Variants in FAM117A observed in about 807,000 individuals in gnomAD.
FAM117A encodes the protein family with sequence similarity 117 member A.
A neutral mutation model predicts 44.1 loss-of-function variants in FAM117A; 21 were observed. That is an observed-to-expected ratio of 0.48 (90% CI 0.34 to 0.69). The LOEUF is 0.69. Ranked by LOEUF, FAM117A falls within the 30% of genes least tolerant of loss-of-function variation. The pLI is 0.01. For missense variants in FAM117A, 498 were observed against 589.9 expected, an observed-to-expected ratio of 0.84 and a Z score of 1.61; for synonymous variants, 220 against 238.3, an observed-to-expected ratio of 0.92 and a Z score of 0.71.
In FAM117A at chr17:49,750,508, C is replaced by T. The variant is rs548483860; in HGVS notation, c.196+13384G>A. 1.1e-4 allele frequency among the ~76,000 whole-genome samples: 16 copies of T among 151,684 alleles called. 3 individuals are homozygous for T. The highest frequency in any genetic ancestry group is 1.4e-4 in the African/African-American group (6 of 41,528). Reference sequence around the variant, plus strand: ...AGCTATTACTGGCCGGGCATGGTGGCTCACGCCTGTAATCCCAGCACTTTG... The same window carrying T: ...AGCTATTACTGGCCGGGCATGGTGGTTCACGCCTGTAATCCCAGCACTTTG... On this transcript the variant is annotated intron_variant, in intron 1 of 7. Coordinates refer to ENST00000240364, the MANE Select transcript of FAM117A (RefSeq NM_030802.4).
At chr17:49,788,720 G>A (rs536743421), upstream of FAM117A, 1 of 1,168,114 alleles carries the variant, frequency 8.6e-7, no homozygotes, top group Non-Finnish European at 1.2e-6. Flanking sequence ...AGGCACTAGG[G>A]ATCGTCCGCA....
chr17:49,785,835 A>G (rs557878719), intron 1 of FAM117A, among the ~76,000 whole-genome samples: 1 of 152,362 alleles, frequency 6.6e-6, no homozygotes, highest in East Asian at 1.9e-4. Context: ...GGGTTAGGAG[A>G]TGCATCCAGG....
chr17:49,731,969 A>G (rs965959050), intron 2 of FAM117A, among the ~76,000 whole-genome samples: 2 of 152,046 alleles, frequency 1.3e-5, no homozygotes, highest in African/African-American at 4.8e-5. Context: ...TATTTTTAGT[A>G]GAGACGGGGT....
intron 1 of FAM117A, among the ~76,000 whole-genome samples, chr17:49,753,587 G>T (rs193191494): frequency 6.6e-6 from 1 of 152,172 alleles, no homozygotes. Flanking sequence ...AGGCTGGGGC[G>T]GTTGGACCAC....
intron 2 of FAM117A, chr17:49,732,349 G>T: frequency 8.9e-6 from 4 of 447,344 alleles, no homozygotes; most frequent in Non-Finnish European, 4.0e-6. Flanking sequence ...AGGTTGCAGT[G>T]AGCCAAGATC....
intron 3 of FAM117A, among the ~76,000 whole-genome samples, 174 bp from the exon 4 acceptor site, chr17:49,720,610 T>TAAA (rs2073529571): frequency 6.6e-6 from 1 of 152,202 alleles, no homozygotes; most frequent in Non-Finnish European, 1.5e-5. Context: ...GATGATCTGT[T>TAAA]CCTCAGACGA....
At chr17:49,786,936 T>C (rs2073813128) in intron 1 of FAM117A, among the ~76,000 whole-genome samples, 1 of 150,652 alleles carries the variant, frequency 6.6e-6, no homozygotes. Flanking sequence ...ATACAAAAAT[T>C]AGCCAGGTGT....
chr17:49,732,627 C>T lies in FAM117A; in HGVS notation c.290G>A (p.Ser97Asn). The T allele has an allele frequency of 6.2e-7, 1 of 1,614,152 alleles. No homozygotes were observed. The part of the protein sequence containing the change: ...RRTFSLDTIL[S>N]SYLLGQWPRD... ...TGGCCACTGGCCCAGAAGGTAGGAG[C>T]TGAGGATGGTGTCCAGGGAGAATGT... The change falls in exon 2 of 8, where the codon AGC becomes AAC. Residue 97 changes from serine to asparagine, a missense_variant. Ser to Asn is a conservative substitution (Grantham distance 46). Transcript: ENST00000240364.
upstream of FAM117A, chr17:49,788,657 A>AG: frequency 1.8e-6 from 1 of 570,948 alleles, no homozygotes; most frequent in Non-Finnish European, 2.9e-6. Flanking sequence ...TGAAGGAAAA[A>AG]GCGCTTCAGC....
At chr17:49,718,526 C>A (rs2073516227) in intron 5 of FAM117A, among the ~76,000 whole-genome samples, 1 of 151,974 alleles carries the variant, frequency 6.6e-6, no homozygotes, top group South Asian at 2.1e-4. Flanking sequence ...AAAAAATTAG[C>A]CAGGCATTGT....
At chr17:49,722,394 G>A (rs1457946394) in intron 3 of FAM117A, 105 bp downstream of exon 3, 1 of 898,558 alleles carries the variant, frequency 1.1e-6, no homozygotes, top group Non-Finnish European at 1.7e-6. Context: ...GTCAAGATAG[G>A]AGAGGTGAGC....
chr17:49,717,633 G>A lies in FAM117A; in HGVS notation c.790C>T (p.Pro264Ser). 1 of 1,614,130 alleles carries A rather than the reference G, an allele frequency of 6.2e-7. No homozygotes were observed. Among genetic ancestry groups the A allele is most frequent in the African/African-American group, 1.3e-5 (1 of 75,042 alleles). ...GAAGGAGAGCTGGCAAGGTTGCCAG[G>A]CTCCAGGAGGAGGAGGGGATGATCA... ...SCDHPLLLLE[P>S]GNLASSPSMS... Residue 264 changes from proline to serine, a missense_variant, in exon 6 of 8, where the codon CCT (proline) becomes TCT (serine). By Grantham distance (74) the Pro-to-Ser change is moderately conservative (BLOSUM62 -1). Coordinates refer to ENST00000240364, the MANE Select transcript of FAM117A (RefSeq NM_030802.4).
chr17:49,761,405 G>C (rs1456800171), intron 1 of FAM117A, among the ~76,000 whole-genome samples: 1 of 152,116 alleles, frequency 6.6e-6, no homozygotes, highest in Admixed American at 6.5e-5. Context: ...GCGAGCAGAG[G>C]GAATAATAAT....
chr17:49,716,392 A>T, intron 6 of FAM117A, 77 bp from the exon 7 acceptor site: 2 of 1,335,286 alleles, frequency 1.5e-6, no homozygotes, highest in Non-Finnish European at 2.0e-6. Flanking sequence ...ACTGAGGTGT[A>T]AAGTGGCAAG....
upstream of FAM117A, among the ~76,000 whole-genome samples, chr17:49,768,542 G>A (rs1456280140): frequency 6.6e-6 from 1 of 152,098 alleles, no homozygotes; most frequent in Non-Finnish European, 1.5e-5. Flanking sequence ...ATAAGATGAC[G>A]CAGATACACT....
intron 2 of FAM117A, among the ~76,000 whole-genome samples, chr17:49,731,925 G>A (rs1241153590): frequency 3.3e-5 from 5 of 152,014 alleles, no homozygotes; most frequent in Non-Finnish European, 7.4e-5. Context: ...AGCTGGGACT[G>A]CAGGCACCCA....
At chr17:49,761,463 G>A (rs1486552249) in intron 1 of FAM117A, among the ~76,000 whole-genome samples, 1 of 152,196 alleles carries the variant, frequency 6.6e-6, no homozygotes, top group African/African-American at 2.4e-5. Flanking sequence ...TGCCAGGCAC[G>A]TTTTAAGCAC....
intron 7 of FAM117A, among the ~76,000 whole-genome samples, chr17:49,715,830 CTGAT>C (rs1323064243): frequency 3.3e-5 from 5 of 152,156 alleles, no homozygotes. Context: ...CTCTCTCTCT[CTGAT>C]TATGGTCTAG....
chr17:49,759,049 T>C (rs759305992), intron 1 of FAM117A, among the ~76,000 whole-genome samples: 3 of 152,256 alleles, frequency 2.0e-5, no homozygotes, highest in Non-Finnish European at 4.4e-5. Flanking sequence ...ATGAAAGTTT[T>C]GCATTACTGC....
Sources: gnomAD v4.1 joint callset for allele counts (sites outside exome capture counted in the v4.1 genomes callset) on GRCh38, gnomAD v4.1.1 for gene constraint, MANE v1.5 for transcripts, NCBI Gene and HGNC (gene_info 2026-07-23, HGNC 2026-07-21) for gene names.